Variants in ZNF385B observed in about 807,000 individuals in gnomAD.
The protein encoded by ZNF385B is zinc finger protein 533.
A neutral mutation model predicts 39.2 loss-of-function variants in ZNF385B; 23 were observed. The observed-to-expected ratio is 0.59, with a 90% confidence interval of 0.42 to 0.83. The LOEUF is 0.83. Ranked by LOEUF, ZNF385B falls within the 40% of genes least tolerant of loss-of-function variation. ZNF385B has a pLI of 0.00. For missense variants in ZNF385B, 552 were observed against 598.9 expected, an observed-to-expected ratio of 0.92 and a Z score of 0.82; for synonymous variants, 205 against 222.6, an observed-to-expected ratio of 0.92 and a Z score of 0.70.
intron 3 of ZNF385B, among the ~76,000 whole-genome samples, chr2:179,619,460 G>A (rs954864999): frequency 5.9e-5 from 9 of 152,280 alleles, no homozygotes; most frequent in Admixed American, 2.6e-4. Context: ...AAGCCCTGAC[G>A]GATTCCTGTC....
chr2:179,697,255 G>A (rs1015756378), intron 3 of ZNF385B, among the ~76,000 whole-genome samples: 1 of 152,118 alleles, frequency 6.6e-6, no homozygotes, highest in African/African-American at 2.4e-5. Flanking sequence ...ACCTCCTCTT[G>A]AATTGTATTC....
At chr2:179,815,101 G>A (rs556043848) in intron 1 of ZNF385B, among the ~76,000 whole-genome samples, 17 of 152,250 alleles carry the variant, frequency 1.1e-4, no homozygotes, top group African/African-American at 3.6e-4. Flanking sequence ...CTTTCAAAAC[G>A]GGAAGAGCTA....
At chr2:179,840,792 C>T (rs7573549) in intron 1 of ZNF385B, among the ~76,000 whole-genome samples, 6,726 of 152,250 alleles carry the variant, frequency 0.044, 243 homozygotes, top group African/African-American at 0.11. Context: ...ATAAAGGCCA[C>T]ATTTATCACA....
chr2:179,493,773 A>ATGTATACATATG (rs2055777168), intron 5 of ZNF385B, among the ~76,000 whole-genome samples: 2 of 73,946 alleles, frequency 2.7e-5, no homozygotes, highest in Non-Finnish European at 6.1e-5. Context: ...GTATACATAT[A>ATGTATACATATG]TGTATATACA....
At chr2:179,677,302 C>T (rs1423906460) in intron 3 of ZNF385B, among the ~76,000 whole-genome samples, 1 of 152,138 alleles carries the variant, frequency 6.6e-6, no homozygotes, top group Non-Finnish European at 1.5e-5. Context: ...CTGTCTATAC[C>T]GTTAATAGCT....
At chr2:179,724,139 T>C (rs1700859751) in intron 3 of ZNF385B, among the ~76,000 whole-genome samples, 1 of 152,026 alleles carries the variant, frequency 6.6e-6, no homozygotes, top group Non-Finnish European at 1.5e-5. Context: ...TGAAACCCCA[T>C]CTCTACGAAA....
At chr2:179,454,483 A>G (rs2050477969) in intron 6 of ZNF385B, among the ~76,000 whole-genome samples, 1 of 149,936 alleles carries the variant, frequency 6.7e-6, no homozygotes, top group African/African-American at 2.5e-5. Context: ...TATAATAATT[A>G]TTTTAGAGTG....
chr2:179,604,290 C>T (rs1309343066), intron 3 of ZNF385B, among the ~76,000 whole-genome samples: 1 of 151,842 alleles, frequency 6.6e-6, no homozygotes, highest in Non-Finnish European at 1.5e-5. Context: ...AAATAAAAAA[C>T]TTTAAAGTAT....
chr2:179,520,434 T>A (rs1269239952), intron 4 of ZNF385B, among the ~76,000 whole-genome samples: 1 of 152,118 alleles, frequency 6.6e-6, no homozygotes, highest in African/African-American at 2.4e-5. Flanking sequence ...TTTTATTCAA[T>A]GAGAATAATA....
At chr2:179,493,716 C>CATATGTGT (rs2055694127) in intron 5 of ZNF385B, among the ~76,000 whole-genome samples, 10 of 87,228 alleles carry the variant, frequency 1.1e-4, no homozygotes, top group Non-Finnish European at 2.3e-4. Context: ...TACACATATG[C>CATATGTGT]ATATACGTAT....
intron 3 of ZNF385B, among the ~76,000 whole-genome samples, chr2:179,751,867 C>T (rs1205282335): frequency 1.3e-5 from 2 of 152,054 alleles, no homozygotes; most frequent in African/African-American, 2.4e-5. Context: ...CCAAAATGTC[C>T]TGACTTTAAA....
intron 3 of ZNF385B, among the ~76,000 whole-genome samples, chr2:179,766,441 A>G (rs1245383765): frequency 6.6e-6 from 1 of 152,096 alleles, no homozygotes; most frequent in African/African-American, 2.4e-5. Context: ...CACTACAGAA[A>G]TTTATCATCT....
chr2:179,606,075 T>C (rs1447514502), intron 3 of ZNF385B, among the ~76,000 whole-genome samples: 1 of 152,158 alleles, frequency 6.6e-6, no homozygotes, highest in Non-Finnish European at 1.5e-5. Context: ...GAAGTAGAAG[T>C]AGTAGCTGGC....
chr2:179,622,194 A>G (rs1301530700), intron 3 of ZNF385B, among the ~76,000 whole-genome samples: 1 of 152,204 alleles, frequency 6.6e-6, no homozygotes, highest in Non-Finnish European at 1.5e-5. Flanking sequence ...AAGGCCTATG[A>G]CTAGAAATGA....
intron 6 of ZNF385B, among the ~76,000 whole-genome samples, chr2:179,472,763 C>G (rs1179981070): frequency 6.6e-6 from 1 of 152,130 alleles, no homozygotes; most frequent in Non-Finnish European, 1.5e-5. Flanking sequence ...ATCATACCCC[C>G]CCTCCCTAGC....
intron 5 of ZNF385B, among the ~76,000 whole-genome samples, chr2:179,490,979 T>C (rs1660489232): frequency 6.6e-6 from 1 of 152,220 alleles, no homozygotes; most frequent in Non-Finnish European, 1.5e-5. Context: ...CATCTTCTTT[T>C]ATAAATAAGT....
intron 3 of ZNF385B, among the ~76,000 whole-genome samples, chr2:179,690,345 A>G (rs1195060136): frequency 1.3e-5 from 2 of 152,202 alleles, no homozygotes; most frequent in African/African-American, 4.8e-5. Context: ...CTCAGTATAA[A>G]TAGGGGATTG....
chr2:179,679,024 T>C lies in ZNF385B; in HGVS notation c.298+90479A>G, dbSNP rs186663764. 2.0e-3 allele frequency among the ~76,000 whole-genome samples: 309 copies of C among 152,290 alleles called. 2 individuals are homozygous for C. Among genetic ancestry groups the C allele is most frequent in the African/African-American group, 7.2e-3 (300 of 41,562 alleles). ...GCTTTCTTAGAATACAAAGAACACTTTGTATTCTCAATGCTTTGCAGTGTT... is the reference window on the plus strand; with the variant it reads ...GCTTTCTTAGAATACAAAGAACACTCTGTATTCTCAATGCTTTGCAGTGTT... On this transcript the variant is annotated intron_variant, in intron 3 of 9. Coordinates refer to ENST00000410066, the MANE Select transcript of ZNF385B (RefSeq NM_152520.6).
At chr2:179,469,216 C>T (rs2052461616) in intron 6 of ZNF385B, among the ~76,000 whole-genome samples, 1 of 152,112 alleles carries the variant, frequency 6.6e-6, no homozygotes, top group Non-Finnish European at 1.5e-5. Flanking sequence ...TTGGGCTTCC[C>T]TGGGCCACAC....
Sources: gnomAD v4.1 joint callset for allele counts (sites outside exome capture counted in the v4.1 genomes callset) on GRCh38, gnomAD v4.1.1 for gene constraint, MANE v1.5 for transcripts, NCBI Gene and HGNC (gene_info 2026-07-23, HGNC 2026-07-21) for gene names.